SCARB2: variants seen among roughly 807,000 people sequenced by gnomAD.
SCARB2 encodes the protein scavenger receptor class B member 2.
SCARB2 carries 29 observed loss-of-function variants against 58.6 expected under a neutral mutation model. That is an observed-to-expected ratio of 0.49 (90% CI 0.37 to 0.67). SCARB2 has a LOEUF of 0.67. Ranked by LOEUF, SCARB2 falls within the 30% of genes least tolerant of loss-of-function variation. The probability of loss-of-function intolerance (pLI) is 0.00; values close to 1 mark genes in which losing one functional copy is unlikely to be tolerated. For missense variants in SCARB2, 488 were observed against 578.5 expected (o/e 0.84, Z 1.60); for synonymous variants, 195 against 210.1 (o/e 0.93, Z 0.62).
chr4:76,218,152 T>C (rs913862096), upstream of SCARB2, among the ~76,000 whole-genome samples: 10 of 152,238 alleles, frequency 6.6e-5, no homozygotes, highest in African/African-American at 2.4e-4. Flanking sequence ...AGGCCTTGCC[T>C]ACTTTGGGAC....
At chr4:76,208,929 A>G (rs762196786) in intron 1 of SCARB2, among the ~76,000 whole-genome samples, 2 of 152,224 alleles carry the variant, frequency 1.3e-5, no homozygotes, top group Non-Finnish European at 2.9e-5. Flanking sequence ...CACCAGCACA[A>G]CAGGTACACA....
intron 5 of SCARB2, 186 bp from the exon 6 acceptor site, chr4:76,176,096 T>C (rs563676329): frequency 8.3e-6 from 6 of 726,036 alleles, no homozygotes; most frequent in Non-Finnish European, 1.3e-5. Context: ...AAATCAGCTT[T>C]CATAGAGGCA....
chr4:76,218,253 CAT>C (rs1461277016), upstream of SCARB2, among the ~76,000 whole-genome samples: 1 of 152,200 alleles, frequency 6.6e-6, no homozygotes, highest in African/African-American at 2.4e-5. Flanking sequence ...AGTGATTTGA[CAT>C]ATGTTATTCC....
chr4:76,216,706 G>T (rs111990618), upstream of SCARB2, among the ~76,000 whole-genome samples: 706 of 152,252 alleles, frequency 4.6e-3, 9 homozygotes, highest in African/African-American at 0.016. Flanking sequence ...ACTATGTCAG[G>T]CGGTTAGTAA....
chr4:76,173,780 C>T (rs1022813608), intron 7 of SCARB2: 8 of 307,686 alleles, frequency 2.6e-5, no homozygotes, highest in South Asian at 9.6e-5. Flanking sequence ...ACTTCTAAAC[C>T]ACTGTCCAGA....
chr4:76,220,131 A>G (rs978158060), intron 1 of SCARB2, among the ~76,000 whole-genome samples: 4 of 152,224 alleles, frequency 2.6e-5, no homozygotes, highest in African/African-American at 9.6e-5. Flanking sequence ...CAGAATTATC[A>G]TATGACCTAG....
At chr4:76,168,165 C>T (rs1287009887) in intron 9 of SCARB2, among the ~76,000 whole-genome samples, 2 of 152,232 alleles carry the variant, frequency 1.3e-5, no homozygotes, top group African/African-American at 2.4e-5. Context: ...TGTGAATCCA[C>T]ATAAGGTGCT....
intron 8 of SCARB2, among the ~76,000 whole-genome samples, chr4:76,168,698 T>C (rs532783097): frequency 2.6e-5 from 4 of 152,352 alleles, no homozygotes; most frequent in Admixed American, 1.3e-4. Flanking sequence ...TGAGTATGAA[T>C]GTAGGTCCTT....
Position 76,161,008 on chromosome 4 carries a change from T to C in SCARB2, c.*705A>G, listed in dbSNP as rs1432138855. On this transcript the variant is annotated 3_prime_UTR_variant, in exon 12 of 12. Transcript: ENST00000264896. ...TATCCTCACCAACATTATTTATGCATTCTCTTCGTTCACAAAAGTACAAGT... is the reference window on the plus strand; with the variant it reads ...TATCCTCACCAACATTATTTATGCACTCTCTTCGTTCACAAAAGTACAAGT... The C allele has an allele frequency of 6.6e-6, 1 of 152,500 alleles. No individual in the cohort carries two copies. Among genetic ancestry groups the C allele is most frequent in the Non-Finnish European group, 1.5e-5 (1 of 68,218 alleles). 9.4% of individuals were successfully genotyped at this position (152,500 alleles called of 1,614,324 possible). A position where few individuals can be genotyped will look rare whatever the true frequency, so the allele number is the denominator to read the frequency against.
intron 5 of SCARB2, 157 bp from the exon 6 acceptor site, chr4:76,176,067 A>C: frequency 1.1e-6 from 1 of 913,170 alleles, no homozygotes; most frequent in Admixed American, 2.6e-5. Context: ...AAGGGGGAGA[A>C]AAAGTAGGTC....
chr4:76,179,678 A>T lies in SCARB2; in HGVS notation c.451T>A (p.Phe151Ile), dbSNP rs1732338247. 6.2e-7 allele frequency: 1 copy of T among 1,613,588 alleles called. No homozygotes were observed. Among genetic ancestry groups the T allele is most frequent in the Non-Finnish European group, 8.5e-7 (1 of 1,179,584 alleles). The stretch of plus-strand genomic sequence containing the variant: ...ATGGCCTCGATGATCTCCCTGAGGA[A>T]GTGCACCTGGGACCACTCTATGACA... ...LTVIEWSQVH[F>I]LREIIEAMLK... Residue 151 changes from phenylalanine (F) to isoleucine (I), a missense_variant, in exon 4 of 12, where the codon TTC becomes ATC. Physicochemically the swap from Phe to Ile is conservative, Grantham distance 21 (BLOSUM62 0). Coordinates refer to ENST00000264896, the MANE Select transcript of SCARB2 (RefSeq NM_005506.4).
chr4:76,190,687 G>T (rs1221589440), intron 2 of SCARB2, among the ~76,000 whole-genome samples: 1 of 152,170 alleles, frequency 6.6e-6, no homozygotes, highest in African/African-American at 2.4e-5. Flanking sequence ...GGGAGGCTGA[G>T]GCAGAAGAAT....
At chr4:76,165,379 A>G (rs1731985535) in intron 10 of SCARB2, 1 of 152,228 alleles carries the variant, frequency 6.6e-6, no homozygotes, top group Non-Finnish European at 1.5e-5. Flanking sequence ...CAACTATGTA[A>G]TATCAAGACC....
chr4:76,196,644 T>C (rs553991681), intron 1 of SCARB2, among the ~76,000 whole-genome samples: 1 of 152,122 alleles, frequency 6.6e-6, no homozygotes, highest in Non-Finnish European at 1.5e-5. Flanking sequence ...ACCACATCCA[T>C]CCCTACCGCC....
intron 5 of SCARB2, 128 bp from the exon 6 acceptor site, chr4:76,176,038 C>A: frequency 1.7e-6 from 2 of 1,159,698 alleles, no homozygotes; most frequent in East Asian, 4.9e-5. Context: ...TACACAGACA[C>A]AACAGTTTTA....
At chr4:76,175,738 C>T in intron 6 of SCARB2, 53 bp downstream of exon 6, 1 of 1,607,184 alleles carries the variant, frequency 6.2e-7, no homozygotes, top group African/African-American at 1.3e-5. Flanking sequence ...TTTTGGTGGT[C>T]TTGCAGTGAA....
In SCARB2 at chr4:76,166,296, G is replaced by A. The variant is rs759493134; in HGVS notation, c.1193C>T (p.Thr398Met). ...GAAAACCATGGTTCTAATGTCTCCC[G>A]TTTCACTACAAAGACAAAGGATGAG... is the stretch of plus-strand genomic sequence containing the variant. Reference protein sequence around the residue: ...YVKKLDDFVETGDIRTMVFPV... With the variant: ...YVKKLDDFVEMGDIRTMVFPV... Residue 398 changes from threonine (T) to methionine (M), a missense_variant, in exon 10 of 12, where the codon ACG becomes ATG. Physicochemically the swap from Thr to Met is moderately conservative, Grantham distance 81. Transcript: ENST00000264896. 3.4e-5 allele frequency: 55 copies of A among 1,613,872 alleles called. 1 individual carries two copies. Among genetic ancestry groups the A allele is most frequent in the East Asian group, 2.9e-4 (13 of 44,878 alleles).
intron 1 of SCARB2, among the ~76,000 whole-genome samples, chr4:76,201,072 T>A (rs1265058808): frequency 6.6e-6 from 1 of 152,198 alleles, no homozygotes; most frequent in Admixed American, 6.5e-5. Flanking sequence ...CCTGTCGCTG[T>A]CTTTTCCTGG....
chr4:76,200,753 A>G (rs940107556), intron 1 of SCARB2, among the ~76,000 whole-genome samples: 1 of 152,206 alleles, frequency 6.6e-6, no homozygotes, highest in Non-Finnish European at 1.5e-5. Context: ...GGCTGCTCCA[A>G]GACAACATGA....
Sources: allele counts gnomAD v4.1 joint callset (sites outside exome capture counted in the v4.1 genomes callset), GRCh38; gene constraint gnomAD v4.1.1; transcripts MANE v1.5; gene names NCBI Gene and HGNC (gene_info 2026-07-23, HGNC 2026-07-21).